OTUD7A: variants seen among roughly 807,000 people sequenced by gnomAD.
The protein encoded by OTUD7A is OTU domain-containing protein 7A.
Under a neutral mutation model 65.7 loss-of-function variants are expected in OTUD7A, and 12 were observed. The observed-to-expected ratio is 0.18, with a 90% CI of 0.12 to 0.30. OTUD7A has a LOEUF of 0.30. Ranked by LOEUF, OTUD7A falls within the 10% of genes least tolerant of loss-of-function variation. The probability of loss-of-function intolerance (pLI) is 1.00; values close to 1 mark genes in which losing one functional copy is unlikely to be tolerated. For missense variants in OTUD7A, 1,148 were observed against 1,304.8 expected, an observed-to-expected ratio of 0.88 and a Z score of 1.85; for synonymous variants, 641 against 586.3, an observed-to-expected ratio of 1.09 and a Z score of -1.35.
At position 31,487,174 on chromosome 15, in the gene OTUD7A, C is replaced by G. The variant is rs760020757; in HGVS notation, c.1371+20G>C. The stretch of plus-strand genomic sequence containing the variant: ...CCTGGACCCTGCTGCCAGGTCTGGT[C>G]CCAGCACAGCCAGGCTCACCCGTGT... On this transcript the variant is annotated intron_variant, in intron 12 of 12. Transcript: ENST00000307050. This position sits in a 1 kb window ranked among gnomAD's most constrained non-coding sequence, Gnocchi z 6.0. The G allele has an allele frequency of 6.2e-6, 10 of 1,610,208 alleles. No individual in the cohort carries two copies. The highest frequency in any genetic ancestry group is 8.5e-6 in the Non-Finnish European group (10 of 1,177,640).
chr15:31,772,905 CAAGT>C, intron 1 of OTUD7A, among the ~76,000 whole-genome samples: 1 of 152,228 alleles, frequency 6.6e-6, no homozygotes, highest in Non-Finnish European at 1.5e-5. Context: ...TATATAATGT[CAAGT>C]AATGCTACAG....
intron 5 of OTUD7A, 141 bp downstream of exon 5, chr15:31,558,828 G>A: frequency 2.3e-6 from 2 of 865,506 alleles, no homozygotes; most frequent in Admixed American, 4.4e-5. Context: ...AGCAGGAGGT[G>A]CGGTGCAGCA....
intron 1 of OTUD7A, among the ~76,000 whole-genome samples, chr15:31,679,329 G>A (rs1309762433): frequency 2.6e-5 from 4 of 152,210 alleles, no homozygotes; most frequent in Admixed American, 2.0e-4. Context: ...TTGGGGGACT[G>A]TTGGAAAGGC....
chr15:31,803,882 A>C (rs1896199231), intron 1 of OTUD7A, among the ~76,000 whole-genome samples: 1 of 152,176 alleles, frequency 6.6e-6, no homozygotes. Flanking sequence ...AATTCACAAT[A>C]AGTTCTCATC....
At chr15:31,787,384 T>G (rs1245757737) in intron 1 of OTUD7A, 2 of 152,204 alleles carry the variant, frequency 1.3e-5, no homozygotes, top group Non-Finnish European at 2.9e-5. Flanking sequence ...TAGGAGCTAA[T>G]CAGCTACGAA....
chr15:31,531,057 G>C (rs1310941512), intron 5 of OTUD7A, among the ~76,000 whole-genome samples: 1 of 152,124 alleles, frequency 6.6e-6, no homozygotes. Context: ...TTCTCTCCTT[G>C]AATCTGGAAA....
intron 1 of OTUD7A, among the ~76,000 whole-genome samples, chr15:31,663,246 AACACACAC>A (rs531313199): frequency 1.3e-4 from 18 of 140,638 alleles, no homozygotes; most frequent in South Asian, 4.7e-4. Context: ...TCTTGGGCTA[AACACACAC>A]ACACACACAC....
intron 1 of OTUD7A, among the ~76,000 whole-genome samples, chr15:31,661,278 AT>A (rs1892158031): frequency 6.6e-6 from 1 of 152,218 alleles, no homozygotes; most frequent in Non-Finnish European, 1.5e-5. Flanking sequence ...TTGAAATGAT[AT>A]ACTCATCAAT....
intron 3 of OTUD7A, among the ~76,000 whole-genome samples, chr15:31,603,392 T>A (rs1464195315): frequency 1.3e-5 from 2 of 152,216 alleles, no homozygotes; most frequent in Non-Finnish European, 2.9e-5. Flanking sequence ...GCTAGCCATA[T>A]GCAGAAAACT....
intron 3 of OTUD7A, among the ~76,000 whole-genome samples, chr15:31,613,838 C>T (rs1162570016): frequency 6.6e-6 from 1 of 152,164 alleles, no homozygotes; most frequent in Non-Finnish European, 1.5e-5. Context: ...GACACTTGTA[C>T]ATGCATGTTT....
At chr15:31,499,652 A>G (rs1016694629) in intron 10 of OTUD7A, among the ~76,000 whole-genome samples, 26 of 152,262 alleles carry the variant, frequency 1.7e-4, no homozygotes, top group African/African-American at 6.0e-4. Context: ...GAGCGTGGCC[A>G]TGGCACCTGC....
intron 1 of OTUD7A, among the ~76,000 whole-genome samples, chr15:31,665,728 C>T (rs1892300325): frequency 6.6e-6 from 1 of 152,166 alleles, no homozygotes; most frequent in Non-Finnish European, 1.5e-5. Flanking sequence ...GCATCCTTGT[C>T]TTGTTCCAGT....
rs149173498 is a variant in OTUD7A, at chr15:31,766,528, C to T, written c.-100+103979G>A. 1,725 of 1,613,042 alleles carry T rather than the reference C, an allele frequency of 1.1e-3. 17 individuals carry two copies. The African/African-American group carries it at 0.021, about 19-fold the overall frequency. On this transcript the variant is annotated intron_variant, in intron 1 of 12. Transcript: ENST00000307050. ...ATTGTGGCACTAGACTCTCCAAGTT[C>T]ACTTTCCATAGCTGTTTGCACACTT...
chr15:31,577,174 G>T (rs1434490900), intron 3 of OTUD7A, among the ~76,000 whole-genome samples: 1 of 152,070 alleles, frequency 6.6e-6, no homozygotes, highest in African/African-American at 2.4e-5. Context: ...GGGGAAATTT[G>T]CATCTGTAGA....
At chr15:31,867,788 A>G (rs1897916650) in intron 1 of OTUD7A, among the ~76,000 whole-genome samples, 1 of 152,210 alleles carries the variant, frequency 6.6e-6, no homozygotes, top group African/African-American at 2.4e-5. Context: ...GAGCCACTGA[A>G]GCAATCTCTG....
intron 1 of OTUD7A, among the ~76,000 whole-genome samples, chr15:31,821,083 T>G (rs1264965175): frequency 8.6e-5 from 13 of 151,990 alleles, no homozygotes; most frequent in Admixed American, 5.2e-4. Flanking sequence ...TCCTTTTGCG[T>G]AACATATTTT....
chr15:31,681,315 G>GCACCCACCCACCCATGCACC (rs796571808), intron 1 of OTUD7A, among the ~76,000 whole-genome samples: 1 of 151,170 alleles, frequency 6.6e-6, no homozygotes, highest in African/African-American at 2.5e-5. Flanking sequence ...ATCCATCCAT[G>GCACCCACCCACCCATGCACC]CACCCACCCA....
At chr15:31,540,139 G>A (rs1213853520) in intron 5 of OTUD7A, among the ~76,000 whole-genome samples, 3 of 152,132 alleles carry the variant, frequency 2.0e-5, no homozygotes, top group South Asian at 4.1e-4. Flanking sequence ...CAATTTTTTT[G>A]AAGGCACAGA....
intron 1 of OTUD7A, among the ~76,000 whole-genome samples, chr15:31,718,155 C>T (rs780136790): frequency 3.9e-5 from 6 of 152,162 alleles, no homozygotes; most frequent in Non-Finnish European, 7.4e-5. Flanking sequence ...GTTGATGATG[C>T]TTATGTTGAC....
Sources: allele counts gnomAD v4.1 joint callset (sites outside exome capture counted in the v4.1 genomes callset), GRCh38; gene constraint gnomAD v4.1.1; non-coding constraint Gnocchi (gnomAD v3.1); transcripts MANE v1.5; gene names NCBI Gene and HGNC (gene_info 2026-07-23, HGNC 2026-07-21).